The following MMP16 variants were observed in gnomAD, a reference collection of about 807,000 sequenced individuals.
MMP16 encodes the protein matrix metallopeptidase 16, also known as matrix metalloproteinase-16.
A neutral mutation model predicts 67.8 loss-of-function variants in MMP16; 12 were observed. The ratio of observed to expected loss-of-function variants is 0.18; its 90% confidence interval spans 0.11 to 0.29. The LOEUF is 0.29. MMP16 is among the 10% of genes least tolerant of loss of function. The pLI is 1.00. For missense variants in MMP16, 475 were observed against 765.7 expected (o/e 0.62, Z 4.48); for synonymous variants, 249 against 255.9 (o/e 0.97, Z 0.26).
chr8:88,296,599 C>T (rs1482448341), intron 1 of MMP16, among the ~76,000 whole-genome samples: 6 of 152,024 alleles, frequency 3.9e-5, no homozygotes, highest in South Asian at 4.2e-4. Flanking sequence ...CTTTCGGAGG[C>T]GAGATGGGCA....
At chr8:88,183,686 A>G (rs1182025124) in intron 3 of MMP16, among the ~76,000 whole-genome samples, 2 of 124,824 alleles carry the variant, frequency 1.6e-5, no homozygotes, top group African/African-American at 5.7e-5. Flanking sequence ...CATAGATGCC[A>G]TTTTTCTGTT....
At chr8:88,277,990 T>A (rs983487918) in intron 1 of MMP16, among the ~76,000 whole-genome samples, 5 of 152,224 alleles carry the variant, frequency 3.3e-5, no homozygotes, top group African/African-American at 9.6e-5. Flanking sequence ...TTATTTGGCA[T>A]CTTCGATGAG....
At chr8:88,143,987 T>C (rs753298307) in intron 4 of MMP16, among the ~76,000 whole-genome samples, 1 of 151,906 alleles carries the variant, frequency 6.6e-6, no homozygotes, top group African/African-American at 2.4e-5. Flanking sequence ...TTCCATTAGA[T>C]AAAAACCATT....
intron 1 of MMP16, among the ~76,000 whole-genome samples, chr8:88,216,445 C>T (rs1243331344): frequency 6.6e-6 from 1 of 152,116 alleles, no homozygotes; most frequent in East Asian, 1.9e-4. Flanking sequence ...AGGAAGTTCA[C>T]ATCAATACAT....
At chr8:88,287,535 T>C (rs1810851759) in intron 1 of MMP16, among the ~76,000 whole-genome samples, 2 of 152,214 alleles carry the variant, frequency 1.3e-5, no homozygotes, top group Admixed American at 6.5e-5. Flanking sequence ...CTCGGGTTGA[T>C]GCAGAAATCA....
Position 88,311,149 on chromosome 8 carries a change from G to A in MMP16, c.132+15926C>T, listed in dbSNP as rs187538121. 7.9e-5 allele frequency among the ~76,000 whole-genome samples: 12 copies of A among 152,014 alleles called. No individual in the cohort carries two copies. In the East Asian group the frequency reaches 1.5e-3, roughly 20 times the overall value. The stretch of plus-strand genomic sequence containing the variant: ...GGGGTGAAGATGGAGATTTAGAGAC[G>A]GCTCACTAATATTTATTCTCGACAC... On this transcript the variant is annotated intron_variant, in intron 1 of 9. Transcript: ENST00000286614.
At position 88,058,067 on chromosome 8, in the gene MMP16, A is replaced by G. The variant is rs148797944; in HGVS notation, c.1223-1789T>C. 5.0e-3 allele frequency among the ~76,000 whole-genome samples: 762 copies of G among 152,294 alleles called. 8 individuals are homozygous for G. The highest frequency in any genetic ancestry group is 0.017 in the African/African-American group (723 of 41,584). ...GAAATACACCAAAATCTAAAGAAAGAGAAGGTAATAAATATGCAAAGAATA... is the reference window on the plus strand; with the variant it reads ...GAAATACACCAAAATCTAAAGAAAGGGAAGGTAATAAATATGCAAAGAATA... On this transcript the variant is annotated intron_variant, in intron 7 of 9. Coordinates refer to ENST00000286614, the MANE Select transcript of MMP16 (RefSeq NM_005941.5). This position sits in a 1 kb window ranked among gnomAD's most constrained non-coding sequence, Gnocchi z 4.2.
intron 1 of MMP16, among the ~76,000 whole-genome samples, chr8:88,212,425 C>A (rs1809526790): frequency 6.6e-6 from 1 of 151,966 alleles, no homozygotes; most frequent in Admixed American, 6.6e-5. Flanking sequence ...CAAAACAGCT[C>A]AAAACAGTAG....
chr8:88,262,462 G>A (rs1275668117), intron 1 of MMP16, among the ~76,000 whole-genome samples: 1 of 152,090 alleles, frequency 6.6e-6, no homozygotes, highest in African/African-American at 2.4e-5. Flanking sequence ...ACTCACTTTT[G>A]TTTTACTGTT....
intron 1 of MMP16, among the ~76,000 whole-genome samples, chr8:88,246,071 G>A (rs970264041): frequency 6.6e-6 from 1 of 151,972 alleles, no homozygotes; most frequent in Non-Finnish European, 1.5e-5. Context: ...GATGTTATGG[G>A]GTAAAAGAAG....
At chr8:88,195,600 T>C (rs1278481281) in intron 2 of MMP16, among the ~76,000 whole-genome samples, 1 of 152,150 alleles carries the variant, frequency 6.6e-6, no homozygotes, top group Non-Finnish European at 1.5e-5. Context: ...CTTAAAACTA[T>C]ATTTATTTAA....
chr8:88,245,038 CA>C (rs1464594661), intron 1 of MMP16, among the ~76,000 whole-genome samples: 1 of 152,004 alleles, frequency 6.6e-6, no homozygotes, highest in Non-Finnish European at 1.5e-5. Flanking sequence ...GATGTAAATT[CA>C]CGTTGTTTTT....
At chr8:88,125,340 G>C (rs1453896697) in intron 4 of MMP16, among the ~76,000 whole-genome samples, 2 of 151,792 alleles carry the variant, frequency 1.3e-5, no homozygotes, top group East Asian at 3.9e-4. Context: ...AGAATTATCT[G>C]TTTGGATGTG....
chr8:88,170,439 C>T (rs574761569), intron 3 of MMP16, among the ~76,000 whole-genome samples: 14 of 152,208 alleles, frequency 9.2e-5, no homozygotes, highest in South Asian at 2.1e-4. Flanking sequence ...CACTGAATTT[C>T]GTCTAAATTA....
intron 1 of MMP16, among the ~76,000 whole-genome samples, chr8:88,326,122 A>G (rs1811533605): frequency 6.6e-6 from 1 of 152,230 alleles, no homozygotes; most frequent in Non-Finnish European, 1.5e-5. Context: ...ATCTAATCAA[A>G]AGAAGTAAAT....
At chr8:88,271,200 C>T (rs922740891) in intron 1 of MMP16, among the ~76,000 whole-genome samples, 23 of 152,108 alleles carry the variant, frequency 1.5e-4, no homozygotes, top group Non-Finnish European at 1.5e-5. Context: ...GATTAAAAAA[C>T]TGATGGGAAA....
intron 1 of MMP16, among the ~76,000 whole-genome samples, chr8:88,285,606 G>T (rs1443537358): frequency 1.3e-5 from 2 of 152,056 alleles, no homozygotes; most frequent in African/African-American, 4.8e-5. Context: ...TAGATACCAT[G>T]CCCCTTCTTG....
chr8:88,087,868 T>C (rs1000789415), intron 6 of MMP16, among the ~76,000 whole-genome samples: 1 of 151,284 alleles, frequency 6.6e-6, no homozygotes, highest in Non-Finnish European at 1.5e-5. Flanking sequence ...TGCTTAAACC[T>C]GGCAGGTTGA....
At chr8:88,133,917 A>C (rs185517471) in intron 4 of MMP16, among the ~76,000 whole-genome samples, 1 of 151,892 alleles carries the variant, frequency 6.6e-6, no homozygotes, top group African/African-American at 2.4e-5. Flanking sequence ...ATAAAAAATA[A>C]AAGGAAAGAA....
Sources: allele counts gnomAD v4.1 joint callset (sites outside exome capture counted in the v4.1 genomes callset), GRCh38; gene constraint gnomAD v4.1.1; non-coding constraint Gnocchi (gnomAD v3.1); transcripts MANE v1.5; gene names NCBI Gene and HGNC (gene_info 2026-07-23, HGNC 2026-07-21).